The following NKAIN2 variants were observed in gnomAD, a reference collection of about 807,000 sequenced individuals.
NKAIN2 encodes sodium/potassium-transporting ATPase subunit beta-1-interacting protein 2.
NKAIN2 carries 14 observed loss-of-function variants against 32.6 expected under a neutral mutation model. That is an observed-to-expected ratio of 0.43 (90% CI 0.28 to 0.67). NKAIN2 has a LOEUF of 0.67. Ranked by LOEUF, NKAIN2 falls within the 30% of genes least tolerant of loss-of-function variation. The probability of loss-of-function intolerance (pLI) is 0.17; values close to 1 mark genes in which losing one functional copy is unlikely to be tolerated. For missense variants in NKAIN2, 198 were observed against 258.3 expected, an observed-to-expected ratio of 0.77 and a Z score of 1.60; for synonymous variants, 80 against 87.2, an observed-to-expected ratio of 0.92 and a Z score of 0.46.
At chr6:124,174,156 AG>A (rs1789039473) in intron 1 of NKAIN2, among the ~76,000 whole-genome samples, 1 of 152,164 alleles carries the variant, frequency 6.6e-6, no homozygotes, top group Non-Finnish European at 1.5e-5. Flanking sequence ...GATATGAGCG[AG>A]GTGGTACATA....
At chr6:123,984,784 C>T (rs986355616) in intron 1 of NKAIN2, among the ~76,000 whole-genome samples, 3 of 152,050 alleles carry the variant, frequency 2.0e-5, no homozygotes, top group African/African-American at 7.2e-5. Context: ...AGATGAATCA[C>T]TTTGGTCATT....
intron 4 of NKAIN2, among the ~76,000 whole-genome samples, chr6:124,789,775 A>G (rs1038157912): frequency 1.3e-5 from 2 of 152,168 alleles, no homozygotes; most frequent in Admixed American, 6.5e-5. Context: ...GGTTCTTACT[A>G]TCACTATCTT....
At chr6:124,219,445 T>G (rs1159857432) in intron 1 of NKAIN2, among the ~76,000 whole-genome samples, 1 of 151,766 alleles carries the variant, frequency 6.6e-6, no homozygotes, top group Non-Finnish European at 1.5e-5. Flanking sequence ...ATCCGACTAA[T>G]TTTTGTATTT....
intron 3 of NKAIN2, among the ~76,000 whole-genome samples, chr6:124,649,000 G>A (rs1325195639): frequency 1.3e-5 from 2 of 151,998 alleles, no homozygotes; most frequent in Non-Finnish European, 2.9e-5. Context: ...ACTGCTTTGA[G>A]GGAAATTTAT....
chr6:124,255,114 A>G (rs1296546647), intron 1 of NKAIN2, among the ~76,000 whole-genome samples: 1 of 152,102 alleles, frequency 6.6e-6, no homozygotes, highest in Admixed American at 6.5e-5. Flanking sequence ...ATTGCTCAGA[A>G]CTCATTGTGG....
chr6:124,611,515 C>T (rs1299880557), intron 3 of NKAIN2, among the ~76,000 whole-genome samples: 1 of 152,072 alleles, frequency 6.6e-6, no homozygotes, highest in African/African-American at 2.4e-5. Flanking sequence ...TGTCCTAATG[C>T]TCTCCCTTCG....
At chr6:124,704,867 T>C (rs1217935868) in intron 4 of NKAIN2, among the ~76,000 whole-genome samples, 1 of 151,852 alleles carries the variant, frequency 6.6e-6, no homozygotes, top group Non-Finnish European at 1.5e-5. Flanking sequence ...ACAGAGGGAG[T>C]GCTATCTGCA....
intron 3 of NKAIN2, among the ~76,000 whole-genome samples, chr6:124,479,791 A>G (rs1777373242): frequency 6.6e-6 from 1 of 152,076 alleles, no homozygotes; most frequent in South Asian, 2.1e-4. Flanking sequence ...TTTTTTTTCA[A>G]CTCAGGCATA....
At chr6:124,727,204 G>A (rs1776372403) in intron 4 of NKAIN2, among the ~76,000 whole-genome samples, 1 of 150,866 alleles carries the variant, frequency 6.6e-6, no homozygotes, top group African/African-American at 2.4e-5. Flanking sequence ...GAAATACAGA[G>A]AACACCACAA....
At chr6:123,838,816 A>T (rs1774739041) in intron 1 of NKAIN2, among the ~76,000 whole-genome samples, 1 of 152,234 alleles carries the variant, frequency 6.6e-6, no homozygotes, top group African/African-American at 2.4e-5. Flanking sequence ...CTTTCAAAAA[A>T]GTGTGAGATT....
chr6:124,438,911 C>T (rs1775573794), intron 3 of NKAIN2, among the ~76,000 whole-genome samples: 1 of 152,112 alleles, frequency 6.6e-6, no homozygotes, highest in African/African-American at 2.4e-5. Flanking sequence ...GACCCAGCTG[C>T]TAAATCGTGG....
intron 3 of NKAIN2, among the ~76,000 whole-genome samples, chr6:124,606,340 C>A (rs1436832939): frequency 6.6e-6 from 1 of 151,634 alleles, no homozygotes; most frequent in Admixed American, 6.6e-5. Flanking sequence ...AGGAGAATGT[C>A]TTTTTACAGA....
chr6:123,942,890 G>T (rs950934935), intron 1 of NKAIN2, among the ~76,000 whole-genome samples: 21 of 151,956 alleles, frequency 1.4e-4, no homozygotes, highest in Admixed American at 7.9e-4. Flanking sequence ...CATCCTGTAG[G>T]AGTGCTCATT....
intron 1 of NKAIN2, among the ~76,000 whole-genome samples, chr6:124,039,250 G>A (rs1781752501): frequency 6.6e-6 from 1 of 151,914 alleles, no homozygotes; most frequent in African/African-American, 2.4e-5. Context: ...TGAAGGCCAG[G>A]ATCACAGTTT....
chr6:123,829,931 ATTG>A (rs1266762487), intron 1 of NKAIN2, among the ~76,000 whole-genome samples: 15 of 152,186 alleles, frequency 9.9e-5, no homozygotes, highest in African/African-American at 3.4e-4. Context: ...GGACATGTAT[ATTG>A]TTGTTGACAT....
chr6:124,462,908 G>A (rs541605677), intron 3 of NKAIN2, among the ~76,000 whole-genome samples: 7 of 151,964 alleles, frequency 4.6e-5, no homozygotes, highest in Non-Finnish European at 8.8e-5. Flanking sequence ...TGAATCTTAG[G>A]AAGAAAATCT....
chr6:123,975,376 A>G (rs983952957), intron 1 of NKAIN2, among the ~76,000 whole-genome samples: 2 of 152,222 alleles, frequency 1.3e-5, no homozygotes, highest in Non-Finnish European at 2.9e-5. Flanking sequence ...GAATTATACA[A>G]AAACTGAAGG....
chr6:124,332,723 ACTGT>A lies in NKAIN2; in HGVS notation c.193-22541_193-22538del, dbSNP rs549081786. 1.5e-4 allele frequency among the ~76,000 whole-genome samples: 23 copies of A among 152,336 alleles called. No individual in the cohort carries two copies. The South Asian group carries it at 2.9e-3, about 19-fold the overall frequency. On this transcript the variant is annotated intron_variant, in intron 2 of 6. Coordinates refer to ENST00000368417, the MANE Select transcript of NKAIN2 (RefSeq NM_001040214.3). ...TCATTATTTCCAATAAAAATGATTG[ACTGT>A]CTAAGTGGCTGACATAAGGAATGAG...
chr6:123,932,469 T>G (rs1301862971), intron 1 of NKAIN2, among the ~76,000 whole-genome samples: 2 of 145,392 alleles, frequency 1.4e-5, no homozygotes, highest in South Asian at 2.2e-4. Context: ...CAGGCTGGAG[T>G]GCAGTGGTGC....
Sources: gnomAD v4.1 joint callset for allele counts (sites outside exome capture counted in the v4.1 genomes callset) on GRCh38, gnomAD v4.1.1 for gene constraint, MANE v1.5 for transcripts, NCBI Gene and HGNC (gene_info 2026-07-23, HGNC 2026-07-21) for gene names.